The following RABGAP1 variants were observed in gnomAD, a reference collection of about 807,000 sequenced individuals.
The protein encoded by RABGAP1 is RAB GTPase activating protein 1, also known as rab GTPase-activating protein 1.
In RABGAP1, 23 loss-of-function variants were observed where a neutral mutation model predicts 137.6. The ratio of observed to expected loss-of-function variants is 0.17; its 90% CI spans 0.12 to 0.24. RABGAP1 has a LOEUF of 0.24. Ranked by LOEUF, RABGAP1 falls within the 10% of genes least tolerant of loss-of-function variation. RABGAP1 has a pLI of 1.00. For synonymous variants in RABGAP1, 451 were observed against 450.7 expected, an observed-to-expected ratio of 1.00 and a Z score of -0.01; for missense variants, 906 against 1,275.8, an observed-to-expected ratio of 0.71 and a Z score of 4.42.
At chr9:123,087,839 T>C (rs1399157258) in intron 19 of RABGAP1, among the ~76,000 whole-genome samples, 2 of 152,198 alleles carry the variant, frequency 1.3e-5, no homozygotes, top group Admixed American at 6.5e-5. Context: ...CTGGAGACAC[T>C]GACACCAACA....
At chr9:122,935,822 C>T in the RABGAP1 span, among the ~76,000 whole-genome samples, 5 of 152,130 alleles carry the variant, frequency 3.3e-5, no homozygotes, top group Non-Finnish European at 7.4e-5. Context: ...ATGTCGGTTT[C>T]TCTTTAGCAT....
At chr9:123,058,237 A>G (rs1422539816) in intron 13 of RABGAP1, among the ~76,000 whole-genome samples, 4 of 152,166 alleles carry the variant, frequency 2.6e-5, no homozygotes, top group African/African-American at 7.2e-5. Flanking sequence ...AAATTATGGT[A>G]TAATAGTGTG....
intron 13 of RABGAP1, among the ~76,000 whole-genome samples, chr9:123,045,482 A>G (rs2033164085): frequency 6.6e-6 from 1 of 152,202 alleles, no homozygotes; most frequent in South Asian, 2.1e-4. Context: ...TATATCATTA[A>G]CATCATTTTA....
intron 12 of RABGAP1, among the ~76,000 whole-genome samples, chr9:123,018,284 T>C (rs2031382790): frequency 6.6e-6 from 1 of 152,252 alleles, no homozygotes; most frequent in African/African-American, 2.4e-5. Flanking sequence ...AATGTCAGTA[T>C]AAAATAGGTT....
At chr9:123,098,314 G>A (rs557322663) in intron 22 of RABGAP1, among the ~76,000 whole-genome samples, 3 of 152,320 alleles carry the variant, frequency 2.0e-5, no homozygotes, top group South Asian at 2.1e-4. Context: ...CACCACGGTC[G>A]TCCAGGAGGC....
intron 1 of RABGAP1, among the ~76,000 whole-genome samples, chr9:122,954,739 T>A (rs367995340): frequency 2.6e-5 from 4 of 152,206 alleles, no homozygotes; most frequent in Non-Finnish European, 5.9e-5. Flanking sequence ...ACTGAGTGTT[T>A]TGGGACAAGG....
intron 13 of RABGAP1, among the ~76,000 whole-genome samples, chr9:123,053,160 A>G (rs749178380): frequency 8.5e-5 from 13 of 152,136 alleles, no homozygotes; most frequent in Non-Finnish European, 1.9e-4. Flanking sequence ...TTTTTTTGTC[A>G]CTTTTCTTGG....
At chr9:122,960,288 T>G (rs1446562465) in intron 2 of RABGAP1, among the ~76,000 whole-genome samples, 1 of 152,204 alleles carries the variant, frequency 6.6e-6, no homozygotes, top group East Asian at 1.9e-4. Context: ...TGGAACAGTT[T>G]ATACTGTAGT....
chr9:123,090,237 T>A (rs1404227138), intron 20 of RABGAP1, 38 bp from the exon 21 acceptor site: 2 of 1,494,286 alleles, frequency 1.3e-6, no homozygotes, highest in South Asian at 2.5e-5. Flanking sequence ...TCCATCTGAT[T>A]TTTATGTGTC....
At chr9:122,944,988 G>T in intron 1 of RABGAP1, among the ~76,000 whole-genome samples, 1 of 151,804 alleles carries the variant, frequency 6.6e-6, no homozygotes, top group Non-Finnish European at 1.5e-5. Flanking sequence ...TTTAAGGTAC[G>T]TAAAGCAGAA....
At chr9:122,993,220 T>G (rs1168630780) in intron 6 of RABGAP1, among the ~76,000 whole-genome samples, 7 of 152,180 alleles carry the variant, frequency 4.6e-5, no homozygotes, top group African/African-American at 1.7e-4. Context: ...CAAAGTATGA[T>G]GAGAATAATT....
intron 19 of RABGAP1, among the ~76,000 whole-genome samples, chr9:123,078,844 C>G (rs1225447372): frequency 1.3e-5 from 2 of 152,192 alleles, no homozygotes; most frequent in African/African-American, 4.8e-5. Flanking sequence ...ACATCCTAAT[C>G]TAACCATCAT....
At chr9:123,036,536 C>G (rs1390693296) in intron 13 of RABGAP1, among the ~76,000 whole-genome samples, 2 of 152,108 alleles carry the variant, frequency 1.3e-5, no homozygotes, top group Admixed American at 6.5e-5. Context: ...TCTTTCTATT[C>G]AAAGACTTCT....
At chr9:123,014,529 G>A (rs1417908949) in intron 11 of RABGAP1, among the ~76,000 whole-genome samples, 2 of 151,962 alleles carry the variant, frequency 1.3e-5, no homozygotes, top group Non-Finnish European at 2.9e-5. Flanking sequence ...AGATCATAAT[G>A]AATATTAAGC....
chr9:123,010,956 A>G (rs762513386), intron 11 of RABGAP1, among the ~76,000 whole-genome samples: 4 of 151,276 alleles, frequency 2.6e-5, no homozygotes, highest in Admixed American at 6.6e-5. Context: ...ACGTTTATAT[A>G]TTACTATGTT....
intron 21 of RABGAP1, among the ~76,000 whole-genome samples, chr9:123,093,860 A>G (rs1350351031): frequency 6.6e-6 from 1 of 152,216 alleles, no homozygotes; most frequent in Non-Finnish European, 1.5e-5. Flanking sequence ...CTGTAGATCA[A>G]TTTGGGGAGA....
At chr9:123,101,528 C>T in intron 24 of RABGAP1, 38 bp from the exon 25 acceptor site, 1 of 1,587,388 alleles carries the variant, frequency 6.3e-7, no homozygotes, top group Non-Finnish European at 8.6e-7. Context: ...GGGCCAGTTC[C>T]TCTTCTTTGC....
chr9:122,934,673 ATTTT>A, the RABGAP1 span, among the ~76,000 whole-genome samples: 4 of 328 alleles, frequency 0.012, no homozygotes, highest in African/African-American at 0.014. Flanking sequence ...TGACGCCTTT[ATTTT>A]ATTTTATTTT....
At position 123,103,156 on chromosome 9, in the gene RABGAP1, C is replaced by T. The variant is rs113964687; in HGVS notation, c.3153C>T (p.Asn1051=). Residue 1051 remains asparagine, a synonymous_variant, in exon 26 of 26, where the codon AAC becomes AAT. Transcript: ENST00000373647. The part of the protein sequence containing the change: ...EVQAAKKTWF[N]RTLSSIKTAT... ...AGGCAGCCAAGAAGACGTGGTTTAA[C>T]CGAACACTGAGCTCCATAAAGACAG... 3.7e-6 allele frequency: 6 copies of T among 1,614,004 alleles called. No individual in the cohort carries two copies. In the African/African-American group the frequency reaches 6.7e-5, roughly 18 times the overall value.
Sources: gnomAD v4.1 joint callset for allele counts (sites outside exome capture counted in the v4.1 genomes callset) on GRCh38, gnomAD v4.1.1 for gene constraint, MANE v1.5 for transcripts, NCBI Gene and HGNC (gene_info 2026-07-23, HGNC 2026-07-21) for gene names.